The following XYLT1 variants were observed in gnomAD, a reference collection of about 807,000 sequenced individuals.
The protein encoded by XYLT1 is xylosyltransferase 1, also known as beta-D-xylosyltransferase 1.
XYLT1 carries 36 observed loss-of-function variants against 91.3 expected under a neutral mutation model. The ratio of observed to expected loss-of-function variants is 0.39; its 90% CI spans 0.30 to 0.52. XYLT1 has a LOEUF of 0.52. XYLT1 is among the 20% of genes least tolerant of loss of function. The pLI is 0.68. For missense variants in XYLT1, 1,242 were observed against 1,284.5 expected, an observed-to-expected ratio of 0.97 and a Z score of 0.51; for synonymous variants, 588 against 532.0, an observed-to-expected ratio of 1.11 and a Z score of -1.45.
At chr16:17,412,237 G>A (rs1432476038) in intron 1 of XYLT1, among the ~76,000 whole-genome samples, 3 of 152,012 alleles carry the variant, frequency 2.0e-5, no homozygotes, top group Admixed American at 6.6e-5. Context: ...CACAGCCACC[G>A]TGCAGCCCAG....
intron 3 of XYLT1, among the ~76,000 whole-genome samples, chr16:17,233,950 C>T (rs74964097): frequency 0.11 from 17,463 of 152,076 alleles, 1,352 homozygotes; most frequent in Admixed American, 0.23. Context: ...TCTGATTTTG[C>T]GTAGCTGGGT....
At chr16:17,218,021 G>A (rs2032892849) in intron 3 of XYLT1, among the ~76,000 whole-genome samples, 1 of 151,784 alleles carries the variant, frequency 6.6e-6, no homozygotes, top group African/African-American at 2.4e-5. Context: ...TGTAATCCCA[G>A]CACTTTGAGA....
At chr16:17,281,181 CGGCTGAA>C (rs1430986430) in intron 2 of XYLT1, among the ~76,000 whole-genome samples, 20 of 152,228 alleles carry the variant, frequency 1.3e-4, no homozygotes, top group African/African-American at 4.8e-4. Context: ...TCCAGGGGAG[CGGCTGAA>C]GGACAGGTAC....
intron 1 of XYLT1, among the ~76,000 whole-genome samples, chr16:17,428,331 G>A (rs2036343823): frequency 6.6e-6 from 1 of 152,170 alleles, no homozygotes; most frequent in Admixed American, 6.5e-5. Context: ...CAGCTTGAGG[G>A]TGCAGCACAA....
At chr16:17,317,904 A>G (rs2034660263) in intron 2 of XYLT1, among the ~76,000 whole-genome samples, 1 of 152,170 alleles carries the variant, frequency 6.6e-6, no homozygotes, top group Non-Finnish European at 1.5e-5. Context: ...TCTGCCTGGA[A>G]TGCTTTTCCC....
intron 5 of XYLT1, among the ~76,000 whole-genome samples, chr16:17,188,939 C>A (rs2032249278): frequency 6.6e-6 from 1 of 152,150 alleles, no homozygotes; most frequent in African/African-American, 2.4e-5. Context: ...CAGCCTGTAC[C>A]CTTGACCACT....
intron 5 of XYLT1, among the ~76,000 whole-genome samples, chr16:17,185,895 G>A (rs2032172822): frequency 2.0e-5 from 3 of 152,052 alleles, no homozygotes; most frequent in Non-Finnish European, 1.5e-5. Context: ...CAGGTACTTG[G>A]GAGGCTGAAG....
At chr16:17,379,845 A>G (rs775768606) in intron 1 of XYLT1, among the ~76,000 whole-genome samples, 36 of 151,960 alleles carry the variant, frequency 2.4e-4, no homozygotes, top group Non-Finnish European at 4.4e-4. Flanking sequence ...TTTTGAAAAT[A>G]CTGGTCTTTC....
At chr16:17,464,706 G>A (rs2036866233) in intron 1 of XYLT1, among the ~76,000 whole-genome samples, 1 of 152,098 alleles carries the variant, frequency 6.6e-6, no homozygotes, top group Non-Finnish European at 1.5e-5. Flanking sequence ...CTGCCATGCA[G>A]TCATTATTAT....
intron 1 of XYLT1, among the ~76,000 whole-genome samples, chr16:17,401,952 G>C (rs114279550): frequency 0.016 from 2,435 of 152,210 alleles, 76 homozygotes; most frequent in African/African-American, 0.056. Context: ...CAACGCAGTG[G>C]TGAATTATGC....
At chr16:17,381,019 G>A (rs2035673189) in intron 1 of XYLT1, among the ~76,000 whole-genome samples, 1 of 152,150 alleles carries the variant, frequency 6.6e-6, no homozygotes, top group Non-Finnish European at 1.5e-5. Flanking sequence ...GGACAATGAG[G>A]GGCTATACTT....
intron 2 of XYLT1, among the ~76,000 whole-genome samples, chr16:17,276,089 T>A (rs2033969247): frequency 6.6e-6 from 1 of 152,176 alleles, no homozygotes; most frequent in South Asian, 2.1e-4. Context: ...CTCCTAATAT[T>A]GCCATCCATG....
At chr16:17,153,056 T>A (rs1011265466) in intron 6 of XYLT1, among the ~76,000 whole-genome samples, 1 of 152,216 alleles carries the variant, frequency 6.6e-6, no homozygotes, top group Non-Finnish European at 1.5e-5. Flanking sequence ...TTGTAACATC[T>A]TAATTATGTG....
chr16:17,323,300 G>A (rs532988099), intron 2 of XYLT1, among the ~76,000 whole-genome samples: 56 of 152,308 alleles, frequency 3.7e-4, no homozygotes, highest in African/African-American at 1.2e-3. Flanking sequence ...TGCTAATCAC[G>A]GAGATTAGAC....
At chr16:17,338,050 G>T in intron 2 of XYLT1, 1 of 390,228 alleles carries the variant, frequency 2.6e-6, no homozygotes, top group Non-Finnish European at 5.2e-6. Flanking sequence ...TTATAGGCGT[G>T]AGCCACCGCA....
intron 5 of XYLT1, among the ~76,000 whole-genome samples, chr16:17,182,484 C>A (rs1359689826): frequency 6.6e-6 from 1 of 152,154 alleles, no homozygotes; most frequent in African/African-American, 2.4e-5. Flanking sequence ...TCCTTATAGG[C>A]CCTATCTCCA....
Position 17,470,737 on chromosome 16 carries a change from C to T in XYLT1, c.60G>A (p.Ala20=). The change falls in exon 1 of 12, where the codon GCG becomes GCA. Residue 20 remains alanine, a synonymous_variant. Transcript: ENST00000261381. ...LARRSHSALL[A]ALTVLLLQTL... is the part of the protein sequence containing the mutation. ...TCTGCAGCAGCAGCACCGTGAGCGC[C>T]GCGAGCAGCGCCGAGTGCGAGCGCC... The T allele has an allele frequency of 1.8e-6, 2 of 1,127,688 alleles. No homozygotes were observed. Among genetic ancestry groups the T allele is most frequent in the South Asian group, 2.0e-5 (1 of 50,022 alleles). 69.9% of individuals were successfully genotyped at this position (1,127,688 alleles called of 1,614,324 possible).
At chr16:17,437,529 T>C (rs995310283) in intron 1 of XYLT1, among the ~76,000 whole-genome samples, 2 of 152,182 alleles carry the variant, frequency 1.3e-5, no homozygotes, top group Admixed American at 6.5e-5. Flanking sequence ...CCACATCTGC[T>C]TGGAATGCAC....
intron 7 of XYLT1, among the ~76,000 whole-genome samples, chr16:17,139,415 C>T (rs2030894096): frequency 2.0e-5 from 3 of 152,100 alleles, no homozygotes; most frequent in African/African-American, 7.2e-5. Flanking sequence ...AGTATATGTG[C>T]TTGTGTGTGC....
Sources: gnomAD v4.1 joint callset for allele counts (sites outside exome capture counted in the v4.1 genomes callset) on GRCh38, gnomAD v4.1.1 for gene constraint, MANE v1.5 for transcripts, NCBI Gene and HGNC (gene_info 2026-07-23, HGNC 2026-07-21) for gene names.